Variants in SLC16A5 observed in about 807,000 individuals in gnomAD.
SLC16A5 encodes monocarboxylate transporter 6.
SLC16A5 carries 29 observed loss-of-function variants against 33.2 expected under a neutral mutation model. The observed-to-expected ratio is 0.87, with a 90% CI of 0.65 to 1.19. The LOEUF (loss-of-function observed/expected upper bound fraction) is 1.19. SLC16A5 is among the 50% of genes most tolerant of loss of function. SLC16A5 has a pLI of 0.00. For missense variants in SLC16A5, 606 were observed against 678.2 expected, an observed-to-expected ratio of 0.89 and a Z score of 1.18; for synonymous variants, 248 against 284.1, an observed-to-expected ratio of 0.87 and a Z score of 1.28.
intron 4 of SLC16A5, 35 bp from the exon 5 acceptor site, chr17:75,099,972 G>A: frequency 6.3e-7 from 1 of 1,577,566 alleles, no homozygotes; most frequent in South Asian, 1.2e-5. Flanking sequence ...AGGCCCCAGT[G>A]CGCCTCCAGG....
chr17:75,104,460 C>T (rs2145080545), intron 6 of SLC16A5: 2 of 1,191,472 alleles, frequency 1.7e-6, no homozygotes. Flanking sequence ...ACTCTTGTTG[C>T]CCAGGCTGGA....
chr17:75,090,860 T>C (rs928486172), intron 2 of SLC16A5, among the ~76,000 whole-genome samples: 4 of 152,100 alleles, frequency 2.6e-5, no homozygotes, highest in Non-Finnish European at 5.9e-5. Flanking sequence ...CCAGCTCCAC[T>C]GAAAGGTTCC....
intron 2 of SLC16A5, among the ~76,000 whole-genome samples, chr17:75,091,180 GT>G (rs2073632845): frequency 6.6e-6 from 1 of 152,146 alleles, no homozygotes; most frequent in Non-Finnish European, 1.5e-5. Context: ...GGAGGAAGAG[GT>G]GAGAGTATCA....
At chr17:75,095,646 C>CACCA (rs1190463498) in intron 3 of SLC16A5, among the ~76,000 whole-genome samples, 1 of 151,140 alleles carries the variant, frequency 6.6e-6, no homozygotes, top group Admixed American at 6.6e-5. Flanking sequence ...CACAGGTGTG[C>CACCA]ACCACCACAC....
rs548210128 is a variant in SLC16A5, at chr17:75,098,098, G to A, written c.260G>A (p.Gly87Asp). ...TGCCGAGTGACCGTGATGCTGGGGGGCGTGCTGGCCAGCCTGGGCATGGTG... is the reference window on the plus strand; with the variant it reads ...TGCCGAGTGACCGTGATGCTGGGGGACGTGCTGGCCAGCCTGGGCATGGTG... The part of the protein sequence containing the change: ...FGCRVTVMLG[G>D]VLASLGMVAS... Residue 87 changes from glycine to aspartate, a missense_variant, in exon 4 of 7, where the codon GGC becomes GAC. Coordinates refer to ENST00000329783, the MANE Select transcript of SLC16A5 (RefSeq NM_004695.4). The A allele has an allele frequency of 1.2e-6, 2 of 1,610,122 alleles. No homozygotes were observed. The highest frequency in any genetic ancestry group is 1.1e-5 in the South Asian group (1 of 90,478).
chr17:75,096,532 C>CTTT (rs371484359), intron 3 of SLC16A5, among the ~76,000 whole-genome samples: 2 of 140,666 alleles, frequency 1.4e-5, no homozygotes, highest in African/African-American at 5.3e-5. Context: ...TTGCTTTTTT[C>CTTT]TTTTTTTTTT....
At chr17:75,107,331 T>C (rs897370793), downstream of SLC16A5, among the ~76,000 whole-genome samples, 5 of 152,164 alleles carry the variant, frequency 3.3e-5, no homozygotes, top group African/African-American at 1.2e-4. Context: ...CAATGAATGT[T>C]CTGCATAGGA....
chr17:75,096,329 C>T (rs1292102460), intron 3 of SLC16A5, among the ~76,000 whole-genome samples: 3 of 150,340 alleles, frequency 2.0e-5, no homozygotes, highest in Non-Finnish European at 4.4e-5. Context: ...CAGCCCAGTC[C>T]CCACCCCCAC....
intron 5 of SLC16A5, among the ~76,000 whole-genome samples, chr17:75,101,116 A>G (rs2073793432): frequency 1.3e-5 from 2 of 149,788 alleles, no homozygotes; most frequent in Admixed American, 6.7e-5. Flanking sequence ...GGGCGTTGTG[A>G]TGGGCGCCTG....
chr17:75,105,719 A>T (rs145608994), intron 6 of SLC16A5, 161 bp from the exon 7 acceptor site: 13 of 985,470 alleles, frequency 1.3e-5, no homozygotes, highest in Non-Finnish European at 1.6e-5. Context: ...AACTCTGTGA[A>T]CTAATGAAGC....
chr17:75,095,094 A>G (rs1228258205), intron 3 of SLC16A5, among the ~76,000 whole-genome samples: 1 of 152,112 alleles, frequency 6.6e-6, no homozygotes, highest in Non-Finnish European at 1.5e-5. Context: ...CTCCCCGGCT[A>G]CCTCCTGGCT....
intron 4 of SLC16A5, among the ~76,000 whole-genome samples, chr17:75,098,637 G>T (rs1405649776): frequency 6.6e-6 from 1 of 152,146 alleles, no homozygotes; most frequent in Admixed American, 6.6e-5. Context: ...TTGTTTTAAG[G>T]GGACTGGAGG....
intron 2 of SLC16A5, among the ~76,000 whole-genome samples, chr17:75,092,920 T>C (rs937692649): frequency 6.6e-6 from 1 of 151,430 alleles, no homozygotes; most frequent in Non-Finnish European, 1.5e-5. Context: ...TTGAAAGGAG[T>C]GTTGCAGGGT....
At chr17:75,087,520 A>C (rs1318013994), upstream of SLC16A5, among the ~76,000 whole-genome samples, 1 of 152,178 alleles carries the variant, frequency 6.6e-6, no homozygotes, top group Non-Finnish European at 1.5e-5. Context: ...CCTACAAGGG[A>C]CTGCCTGGAC....
chr17:75,091,231 T>C (rs2073633760), intron 2 of SLC16A5, among the ~76,000 whole-genome samples: 1 of 151,430 alleles, frequency 6.6e-6, no homozygotes, highest in Non-Finnish European at 1.5e-5. Context: ...AGGCGAGCTA[T>C]GGAGCAGGGC....
chr17:75,108,559 T>C (rs1416587627), downstream of SLC16A5, among the ~76,000 whole-genome samples: 2 of 151,688 alleles, frequency 1.3e-5, no homozygotes, highest in Non-Finnish European at 3.0e-5. Flanking sequence ...AAGATAATGG[T>C]CCTTGCCTTT....
In SLC16A5 at chr17:75,100,003, G is replaced by T. The variant is rs763904623; in HGVS notation, c.344-4G>T. ...CCAGGCTGGTTTCCCCTCTTGCCCC[G>T]CAGGCCTGGGCATGTGCTTCAGCTT... is the stretch of plus-strand genomic sequence containing the variant. On this transcript the variant is annotated splice_region_variant and splice_polypyrimidine_tract_variant and intron_variant, in intron 4 of 6. Transcript: ENST00000329783. 12 of 1,605,222 alleles carry T rather than the reference G, an allele frequency of 7.5e-6. No individual in the cohort carries two copies. In the South Asian group the frequency reaches 1.1e-4, roughly 15 times the overall value.
intron 5 of SLC16A5, among the ~76,000 whole-genome samples, chr17:75,102,279 G>T (rs2073809471): frequency 6.6e-6 from 1 of 152,114 alleles, no homozygotes; most frequent in South Asian, 2.1e-4. Flanking sequence ...GTGGTGGTGT[G>T]CGTCTATAAT....
chr17:75,099,945 C>T (rs2073767961), intron 4 of SLC16A5, 62 bp from the exon 5 acceptor site: 1 of 1,486,190 alleles, frequency 6.7e-7, no homozygotes, highest in East Asian at 2.3e-5. Context: ...CTGACCCCAC[C>T]CCTGGGTGCA....
Sources: allele counts gnomAD v4.1 joint callset (sites outside exome capture counted in the v4.1 genomes callset), GRCh38; gene constraint gnomAD v4.1.1; transcripts MANE v1.5; gene names NCBI Gene and HGNC (gene_info 2026-07-23, HGNC 2026-07-21).